NBAS: variants seen among roughly 807,000 people sequenced by gnomAD.
The protein encoded by NBAS is NAG/BC035112 fusion.
NBAS carries 219 observed loss-of-function variants against 302.5 expected under a neutral mutation model. The observed-to-expected ratio is 0.72, with a 90% CI of 0.65 to 0.81. The LOEUF (loss-of-function observed/expected upper bound fraction) is 0.81. NBAS is among the 30% of genes least tolerant of loss of function. NBAS has a pLI of 0.00. For synonymous variants in NBAS, 1,118 were observed against 1,021.6 expected (o/e 1.09, Z -1.80); for missense variants, 2,932 against 2,841.6 (o/e 1.03, Z -0.72).
chr2:15,413,567 T>A (rs1676784092), intron 25 of NBAS, among the ~76,000 whole-genome samples: 1 of 152,202 alleles, frequency 6.6e-6, no homozygotes, highest in African/African-American at 2.4e-5. Context: ...GGAAACAGTC[T>A]GTAACACACG....
rs1330792405 is a variant in NBAS at position 15,330,736 on chromosome 2, T to C, written c.4209A>G (p.Ser1403=). ...CAGTGGTCCAGCGCAATAGGTCAGC[T>C]GAATTGCTACCTGGAACACCTACTT... is the stretch of plus-strand genomic sequence containing the variant. ...EDEVGVPGSN[S]ADLLRWTTAT... The change falls in exon 36 of 52, where the codon TCA becomes TCG. Residue 1403 remains serine, a synonymous_variant. Transcript: ENST00000281513. 6.2e-7 allele frequency: 1 copy of C among 1,614,054 alleles called. No individual in the cohort carries two copies. Among genetic ancestry groups the C allele is most frequent in the Admixed American group, 1.7e-5 (1 of 60,004 alleles).
chr2:15,134,960 T>TC, the NBAS span, among the ~76,000 whole-genome samples: 1 of 152,240 alleles, frequency 6.6e-6, no homozygotes, highest in Non-Finnish European at 1.5e-5. Flanking sequence ...TGAATGCCAT[T>TC]CCCCCGTCTT....
the NBAS span, among the ~76,000 whole-genome samples, chr2:14,857,477 A>T: frequency 6.6e-6 from 1 of 152,194 alleles, no homozygotes; most frequent in Non-Finnish European, 1.5e-5. Context: ...AAAAGCAGAC[A>T]CATAGATCAG....
intron 28 of NBAS, among the ~76,000 whole-genome samples, chr2:15,386,752 G>A (rs1396257918): frequency 6.6e-6 from 1 of 152,052 alleles, no homozygotes; most frequent in Admixed American, 6.6e-5. Flanking sequence ...TTTCTTTATT[G>A]ACCATTTGGA....
At chr2:14,810,138 A>G in the NBAS span, among the ~76,000 whole-genome samples, 1 of 152,118 alleles carries the variant, frequency 6.6e-6, no homozygotes, top group South Asian at 2.1e-4. Context: ...GAGACTTTGG[A>G]CTGTGGACTC....
chr2:15,091,598 T>C, the NBAS span, among the ~76,000 whole-genome samples: 2 of 152,030 alleles, frequency 1.3e-5, no homozygotes, highest in Admixed American at 1.3e-4. Context: ...AGTGGCACTA[T>C]CTAGGATCAC....
At chr2:15,347,190 TTAACATATTCCTTGTGGAAATG>T (rs1218383777) in intron 35 of NBAS, among the ~76,000 whole-genome samples, 1 of 152,224 alleles carries the variant, frequency 6.6e-6, no homozygotes. Flanking sequence ...ACCTGGAACC[TTAACATATTCCTTGTGGAAATG>T]TAAAACATGT....
intron 21 of NBAS, among the ~76,000 whole-genome samples, chr2:15,439,109 C>A (rs1678193305): frequency 6.6e-6 from 1 of 151,974 alleles, no homozygotes; most frequent in African/African-American, 2.4e-5. Flanking sequence ...TCCTGGCTAA[C>A]ACGGTGAAAC....
the NBAS span, among the ~76,000 whole-genome samples, chr2:15,118,880 A>C: frequency 6.6e-6 from 1 of 152,228 alleles, no homozygotes; most frequent in Non-Finnish European, 1.5e-5. Context: ...CAGCCACTAC[A>C]TTCTGGGGTA....
the NBAS span, among the ~76,000 whole-genome samples, chr2:14,933,042 A>G: frequency 6.6e-6 from 1 of 152,358 alleles, no homozygotes; most frequent in East Asian, 1.9e-4. Context: ...TATCATATAC[A>G]ATAGTAAAGT....
At chr2:14,924,734 T>C in the NBAS span, among the ~76,000 whole-genome samples, 4 of 152,158 alleles carry the variant, frequency 2.6e-5, no homozygotes, top group Admixed American at 2.0e-4. Context: ...TGGAGCCTTA[T>C]AGGAAAAGTT....
intron 38 of NBAS, among the ~76,000 whole-genome samples, chr2:15,319,443 A>T (rs1671684327): frequency 6.6e-6 from 1 of 150,680 alleles, no homozygotes; most frequent in Non-Finnish European, 1.5e-5. Flanking sequence ...CATTCAAAAA[A>T]TCAATGAATC....
At chr2:14,887,680 C>T in the NBAS span, among the ~76,000 whole-genome samples, 1 of 152,160 alleles carries the variant, frequency 6.6e-6, no homozygotes, top group Non-Finnish European at 1.5e-5. Flanking sequence ...CACGCCCCTC[C>T]CCACAAGTCT....
chr2:15,335,476 C>T (rs1441488071), intron 35 of NBAS, among the ~76,000 whole-genome samples: 2 of 152,202 alleles, frequency 1.3e-5, no homozygotes, highest in African/African-American at 2.4e-5. Context: ...GGTTGCTCCA[C>T]ATCCACGCCA....
the NBAS span, among the ~76,000 whole-genome samples, chr2:14,790,708 A>G: frequency 6.7e-6 from 1 of 149,970 alleles, no homozygotes; most frequent in Non-Finnish European, 1.5e-5. Flanking sequence ...CTGGAGTGCA[A>G]CGGTGCGATC....
Position 15,468,418 on chromosome 2 carries a change from G to C in NBAS, c.1841C>G (p.Ala614Gly). The part of the protein sequence containing the change: ...QYGLKGTDLE[A>G]LLAIGKGADD... Reference sequence around the variant, plus strand: ...TGCTCCTTTCCCTATTGCTAAAAGAGCCTCCAGGTCTGTGCCTTTTAATCC... The same window carrying C: ...TGCTCCTTTCCCTATTGCTAAAAGACCCTCCAGGTCTGTGCCTTTTAATCC... Residue 614 changes from alanine to glycine, a missense_variant, in exon 17 of 52, where the codon GCT becomes GGT. Transcript: ENST00000281513. 6.2e-7 allele frequency: 1 copy of C among 1,614,060 alleles called. No homozygotes were observed. The highest frequency in any genetic ancestry group is 8.5e-7 in the Non-Finnish European group (1 of 1,179,964).
intron 23 of NBAS, 60 bp downstream of exon 23, chr2:15,424,255 C>A: frequency 6.3e-7 from 1 of 1,594,900 alleles, no homozygotes; most frequent in Non-Finnish European, 8.6e-7. Flanking sequence ...TGTACTGAAT[C>A]CTAAGGATCC....
chr2:14,912,559 C>T, the NBAS span, among the ~76,000 whole-genome samples: 7 of 152,140 alleles, frequency 4.6e-5, no homozygotes, highest in Non-Finnish European at 8.8e-5. Flanking sequence ...AAGTTGAGCA[C>T]AAATGTGTGT....
At chr2:14,835,238 A>T in the NBAS span, among the ~76,000 whole-genome samples, 2 of 152,106 alleles carry the variant, frequency 1.3e-5, no homozygotes, top group Admixed American at 6.6e-5. Context: ...TATCAGTAGA[A>T]GTGTCCATTA....
Sources: allele counts gnomAD v4.1 joint callset (sites outside exome capture counted in the v4.1 genomes callset), GRCh38; gene constraint gnomAD v4.1.1; transcripts MANE v1.5; gene names NCBI Gene and HGNC (gene_info 2026-07-23, HGNC 2026-07-21).